Variants in FGD5 observed in about 807,000 individuals in gnomAD.
FGD5 encodes the protein FYVE, RhoGEF and PH domain containing 5, also known as FYVE, RhoGEF and PH domain-containing protein 5.
In FGD5, 28 loss-of-function variants were observed where a neutral mutation model predicts 133.4. The observed-to-expected ratio is 0.21, with a 90% confidence interval of 0.16 to 0.29. The LOEUF (loss-of-function observed/expected upper bound fraction) is 0.29. Ranked by LOEUF, FGD5 falls within the 10% of genes least tolerant of loss-of-function variation. The pLI is 1.00. For synonymous variants in FGD5, 810 were observed against 776.5 expected, an observed-to-expected ratio of 1.04 and a Z score of -0.72; for missense variants, 1,858 against 1,895.2, an observed-to-expected ratio of 0.98 and a Z score of 0.36.
intron 4 of FGD5, among the ~76,000 whole-genome samples, chr3:14,893,125 A>G (rs2038061564): frequency 6.6e-6 from 1 of 152,234 alleles, no homozygotes; most frequent in Non-Finnish European, 1.5e-5. Flanking sequence ...ATTTGAAGAT[A>G]AAATATTTTT....
At position 14,922,599 on chromosome 3, in the gene FGD5, A is replaced by C; in HGVS notation, c.3807+51A>C. 26 of 1,374,020 alleles carry C rather than the reference A, an allele frequency of 1.9e-5. No individual in the cohort carries two copies. Among genetic ancestry groups the C allele is most frequent in the East Asian group, 5.5e-5 (2 of 36,420 alleles). The allele number at this position is 1,374,020 out of a possible 1,614,324, so 85.1% of individuals were successfully genotyped here. On this transcript the variant is annotated intron_variant, in intron 15 of 19. Coordinates refer to ENST00000285046, the MANE Select transcript of FGD5 (RefSeq NM_152536.4). This position sits in a 1 kb window ranked among gnomAD's most constrained non-coding sequence, Gnocchi z 4.1. ...GTGTGCATGGGGGTGGGGTGGGGGAAGGGCATGTCCCTGCCCAGCCGGGGG... is the reference window on the plus strand; with the variant it reads ...GTGTGCATGGGGGTGGGGTGGGGGACGGGCATGTCCCTGCCCAGCCGGGGG...
At chr3:14,838,453 GCTTTGATTCTGCCTATTACAGT>G (rs947058326) in intron 1 of FGD5, among the ~76,000 whole-genome samples, 1 of 152,116 alleles carries the variant, frequency 6.6e-6, no homozygotes, top group Non-Finnish European at 1.5e-5. Flanking sequence ...CATTTTGAGG[GCTTTGATTCTGCCTATTACAGT>G]CTTTGATTCT....
chr3:14,885,368 G>A lies in FGD5; in HGVS notation c.2748+4596G>A, dbSNP rs148949027. On this transcript the variant is annotated intron_variant, in intron 4 of 19. Coordinates refer to ENST00000285046, the MANE Select transcript of FGD5 (RefSeq NM_152536.4). Reference sequence around the variant, plus strand: ...TGCAAGACTGCTTTCTCTAGATGTCGCGGTAGATAACCTCAGTGCCAGGGA... The same window carrying A: ...TGCAAGACTGCTTTCTCTAGATGTCACGGTAGATAACCTCAGTGCCAGGGA... Among the ~76,000 whole-genome samples, 1,223 of 152,108 alleles carry A rather than the reference G, an allele frequency of 8.0e-3. 7 individuals are homozygous for A. The highest frequency in any genetic ancestry group is 0.011 in the Non-Finnish European group (739 of 67,970).
At chr3:14,871,176 A>G (rs529083579) in intron 2 of FGD5, among the ~76,000 whole-genome samples, 1 of 152,296 alleles carries the variant, frequency 6.6e-6, no homozygotes, top group East Asian at 1.9e-4. Flanking sequence ...CTTATGCTGT[A>G]GTCTTGTTCT....
upstream of FGD5, among the ~76,000 whole-genome samples, chr3:14,818,079 C>T (rs1348042787): frequency 6.6e-6 from 1 of 152,230 alleles, no homozygotes; most frequent in Non-Finnish European, 1.5e-5. Context: ...GCCACAGCAG[C>T]CCATGCTTCT....
intron 5 of FGD5, 101 bp downstream of exon 5, chr3:14,897,770 T>C (rs1284379332): frequency 6.8e-7 from 1 of 1,464,464 alleles, no homozygotes; most frequent in Non-Finnish European, 9.1e-7. Context: ...ATTTGATTGA[T>C]GGGAAAGCCG....
At chr3:14,848,106 C>A (rs1392823581) in intron 1 of FGD5, among the ~76,000 whole-genome samples, 1 of 152,170 alleles carries the variant, frequency 6.6e-6, no homozygotes, top group Non-Finnish European at 1.5e-5. Flanking sequence ...ACAGGAAATG[C>A]AGGACAAGTC....
chr3:14,923,336 C>T (rs2038725365), intron 16 of FGD5, 161 bp downstream of exon 16: 2 of 980,720 alleles, frequency 2.0e-6, no homozygotes, highest in South Asian at 3.5e-5. Flanking sequence ...CACCATTTTC[C>T]AATATGTGGA....
chr3:14,875,297 C>T (rs1284424658), intron 2 of FGD5, among the ~76,000 whole-genome samples: 1 of 151,248 alleles, frequency 6.6e-6, no homozygotes, highest in Admixed American at 6.6e-5. Context: ...GTGGCCCCTT[C>T]CTTGTGTGTG....
At chr3:14,829,414 T>G (rs1222561962) in intron 1 of FGD5, among the ~76,000 whole-genome samples, 1 of 151,964 alleles carries the variant, frequency 6.6e-6, no homozygotes, top group Non-Finnish European at 1.5e-5. Context: ...GCTGGGAGAT[T>G]CGTGAAGAGA....
intron 4 of FGD5, among the ~76,000 whole-genome samples, chr3:14,889,449 TC>T (rs752977994): frequency 2.6e-5 from 4 of 152,152 alleles, no homozygotes; most frequent in Non-Finnish European, 5.9e-5. Context: ...TAGCCTATAG[TC>T]GGGTTGTCTG....
intron 11 of FGD5, among the ~76,000 whole-genome samples, chr3:14,914,040 C>T (rs1381992126): frequency 6.6e-6 from 1 of 152,184 alleles, no homozygotes; most frequent in Non-Finnish European, 1.5e-5. Flanking sequence ...AGGCCATCAG[C>T]CCCACAGTCT....
chr3:14,817,380 G>A (rs943904041), upstream of FGD5, among the ~76,000 whole-genome samples: 1 of 152,236 alleles, frequency 6.6e-6, no homozygotes, highest in Non-Finnish European at 1.5e-5. Context: ...GTTTTTAGTA[G>A]AGACGGGGTT....
At chr3:14,920,397 C>T (rs909739498) in intron 13 of FGD5, 1 of 152,074 alleles carries the variant, frequency 6.6e-6, no homozygotes, top group African/African-American at 2.4e-5. Flanking sequence ...TGGCTTATAC[C>T]TGTAATTCCA....
intron 2 of FGD5, among the ~76,000 whole-genome samples, chr3:14,878,545 C>T (rs975665512): frequency 1.3e-5 from 2 of 152,156 alleles, no homozygotes; most frequent in African/African-American, 2.4e-5. Flanking sequence ...GGCACAGTTC[C>T]AAGTGTGAGA....
intron 1 of FGD5, among the ~76,000 whole-genome samples, chr3:14,838,140 G>A (rs2036852761): frequency 6.6e-6 from 1 of 152,160 alleles, no homozygotes. Context: ...GGGACTGAGG[G>A]CCCTGCTTCC....
chr3:14,915,039 C>A (rs2038524907), intron 11 of FGD5, among the ~76,000 whole-genome samples: 1 of 152,250 alleles, frequency 6.6e-6, no homozygotes, highest in Non-Finnish European at 1.5e-5. Flanking sequence ...ACATGCATTC[C>A]ATCATGGGTT....
intron 11 of FGD5, among the ~76,000 whole-genome samples, chr3:14,911,389 C>A (rs1178848775): frequency 6.6e-6 from 1 of 152,132 alleles, no homozygotes; most frequent in Admixed American, 6.5e-5. Flanking sequence ...AGGGAGTGTC[C>A]AGGCCTAGGG....
Position 14,880,778 on chromosome 3 carries a change from T to C in FGD5, c.2748+6T>C. The C allele has an allele frequency of 6.2e-7, 1 of 1,613,300 alleles. No homozygotes were observed. The highest frequency in any genetic ancestry group is 1.1e-5 in the South Asian group (1 of 90,808). ...TGCTCCAGCACTTAAATCTGGTGAG[T>C]TAATCATTTTAATTGTCCAAAACTA... On this transcript the variant is annotated splice_donor_region_variant and intron_variant, in intron 4 of 19. Coordinates refer to ENST00000285046, the MANE Select transcript of FGD5 (RefSeq NM_152536.4).
Sources: gnomAD v4.1 joint callset for allele counts (sites outside exome capture counted in the v4.1 genomes callset) on GRCh38, gnomAD v4.1.1 for gene constraint, Gnocchi (gnomAD v3.1) non-coding constraint, MANE v1.5 for transcripts, NCBI Gene and HGNC (gene_info 2026-07-23, HGNC 2026-07-21) for gene names.